VIRMA: variants seen among roughly 807,000 people sequenced by gnomAD.
VIRMA encodes vir like m6A methyltransferase associated, also known as protein virilizer homolog.
VIRMA carries 65 observed loss-of-function variants against 182.4 expected under a neutral mutation model. The observed-to-expected ratio is 0.36, with a 90% CI of 0.29 to 0.44. VIRMA has a LOEUF of 0.44. Ranked by LOEUF, VIRMA falls within the 20% of genes least tolerant of loss-of-function variation. The probability of loss-of-function intolerance (pLI) is 1.00; values close to 1 mark genes in which losing one functional copy is unlikely to be tolerated. For synonymous variants in VIRMA, 709 were observed against 743.1 expected, an observed-to-expected ratio of 0.95 and a Z score of 0.75; for missense variants, 1,752 against 2,158.1, an observed-to-expected ratio of 0.81 and a Z score of 3.73.
At chr8:94,520,185 C>CAAAAAA (rs757063695) in intron 8 of VIRMA, among the ~76,000 whole-genome samples, 2 of 82,956 alleles carry the variant, frequency 2.4e-5, no homozygotes, top group South Asian at 4.4e-4. Context: ...GACCCTGCAT[C>CAAAAAA]AAAAAAAAAA....
intron 16 of VIRMA, among the ~76,000 whole-genome samples, chr8:94,500,613 T>C (rs1813935211): frequency 1.3e-5 from 2 of 150,894 alleles, no homozygotes; most frequent in Non-Finnish European, 2.9e-5. Flanking sequence ...CTAGTGGGAA[T>C]GAAAAATGGT....
chr8:94,488,789 T>A lies in VIRMA; in HGVS notation c.5356A>T (p.Asn1786Tyr). 2 of 1,614,208 alleles carry A rather than the reference T, an allele frequency of 1.2e-6. No individual in the cohort carries two copies. Among genetic ancestry groups the A allele is most frequent in the Non-Finnish European group, 1.7e-6 (2 of 1,180,032 alleles). ...CCTCTTGAGCCTCCACTGCCGCTAT[T>A]TGCACTAGCCCAGGAAGGTCCAAGT... is the stretch of plus-strand genomic sequence containing the variant. ...GGLGPSWASA[N>Y]SGSGGSRGKF... Residue 1786 changes from asparagine to tyrosine, a missense_variant, in exon 24 of 24, where the codon AAT (asparagine) becomes TAT (tyrosine). Transcript: ENST00000297591.
chr8:94,489,666 CTTAT>C (rs1294272522), intron 23 of VIRMA, among the ~76,000 whole-genome samples: 11 of 152,006 alleles, frequency 7.2e-5, no homozygotes, highest in South Asian at 2.1e-4. Context: ...TTTTCTCCAG[CTTAT>C]TTAATTGTAA....
chr8:94,545,460 G>C (rs1161731134), intron 1 of VIRMA, among the ~76,000 whole-genome samples: 1 of 152,106 alleles, frequency 6.6e-6, no homozygotes, highest in Non-Finnish European at 1.5e-5. Context: ...TATTTTGTTT[G>C]TATATAAAAG....
intron 22 of VIRMA, among the ~76,000 whole-genome samples, chr8:94,490,551 T>C (rs575060364): frequency 7.2e-5 from 11 of 152,250 alleles, no homozygotes; most frequent in Admixed American, 3.3e-4. Flanking sequence ...CCCTAGTTTC[T>C]AAAATCTTGT....
At position 94,529,305 on chromosome 8, in the gene VIRMA, T is replaced by G. The variant is rs1265246024; in HGVS notation, c.645A>C (p.Glu215Asp). The G allele has an allele frequency of 1.2e-6, 2 of 1,612,870 alleles. No homozygotes were observed. The highest frequency in any genetic ancestry group is 1.7e-6 in the Non-Finnish European group (2 of 1,178,818). Residue 215 changes from glutamate to aspartate, a missense_variant, in exon 7 of 24, where the codon GAA becomes GAC. Coordinates refer to ENST00000297591, the MANE Select transcript of VIRMA (RefSeq NM_015496.5). ...GDKEEDAPHR[E>D]DYFEPISPDR... The stretch of plus-strand genomic sequence containing the variant: ...CAGGAGAAATGGGCTCAAAGTAATC[T>G]TCTCTATGAGGAGCATCCTCTTCCT...
In VIRMA at chr8:94,526,475, G is replaced by A. The variant is rs1814971933; in HGVS notation, c.1769C>T (p.Thr590Ile). The A allele has an allele frequency of 2.5e-6, 4 of 1,613,808 alleles. No homozygotes were observed. In the South Asian group the frequency reaches 4.4e-5, roughly 18 times the overall value. ...GTTTGTTCTCTCAAGTCCAGCATCT[G>A]TGTCGTGATCAGGTTCACTGTGGTT... is the stretch of plus-strand genomic sequence containing the variant. ...LPNHSEPDHD[T>I]DAGLERTNPE... Residue 590 changes from threonine (T) to isoleucine (I), a missense_variant, in exon 8 of 24, where the codon ACA becomes ATA. This residue lies in a region of VIRMA where 401 missense variants were observed against 455.1 expected (regional missense o/e 0.88). Transcript: ENST00000297591.
At chr8:94,494,301 T>A (rs181489497) in intron 20 of VIRMA, among the ~76,000 whole-genome samples, 272 of 150,866 alleles carry the variant, frequency 1.8e-3, no homozygotes, top group African/African-American at 6.4e-3. Flanking sequence ...AAAAAAAAAT[T>A]TTTTTTTTGG....
At chr8:94,530,287 G>A (rs2130358801) in intron 6 of VIRMA, among the ~76,000 whole-genome samples, 1 of 152,126 alleles carries the variant, frequency 6.6e-6, no homozygotes, top group South Asian at 2.1e-4. Flanking sequence ...GCCAAGGCGG[G>A]AGGATCACTT....
chr8:94,549,624 A>T (rs1301546728), intron 1 of VIRMA, among the ~76,000 whole-genome samples: 1 of 152,210 alleles, frequency 6.6e-6, no homozygotes, highest in Non-Finnish European at 1.5e-5. Flanking sequence ...AAATTTGTAC[A>T]TATCCAAAAC....
chr8:94,520,336 A>C (rs3133643), intron 8 of VIRMA, among the ~76,000 whole-genome samples: 18,259 of 152,040 alleles, frequency 0.12, 1,594 homozygotes, highest in African/African-American at 0.24. Flanking sequence ...TCTCTAAAAA[A>C]ATTTTTTAAT....
intron 1 of VIRMA, among the ~76,000 whole-genome samples, chr8:94,549,054 C>T (rs1284761434): frequency 1.3e-5 from 2 of 152,200 alleles, no homozygotes; most frequent in Non-Finnish European, 2.9e-5. Flanking sequence ...CCACACCTGG[C>T]TTATCTTGCA....
intron 6 of VIRMA, among the ~76,000 whole-genome samples, chr8:94,530,737 C>T (rs932284592): frequency 6.6e-6 from 1 of 152,034 alleles, no homozygotes; most frequent in African/African-American, 2.4e-5. Context: ...AATAGTGAGA[C>T]CCCATCTCTA....
chr8:94,503,481 C>G (rs766481744), intron 16 of VIRMA, among the ~76,000 whole-genome samples: 1 of 152,012 alleles, frequency 6.6e-6, no homozygotes, highest in Non-Finnish European at 1.5e-5. Flanking sequence ...GAGGGACATT[C>G]TACAAAACAA....
chr8:94,542,093 G>A (rs1366641065), intron 2 of VIRMA, among the ~76,000 whole-genome samples: 1 of 152,138 alleles, frequency 6.6e-6, no homozygotes, highest in East Asian at 1.9e-4. Flanking sequence ...TGACCCCAAT[G>A]ACACTTGCTT....
At chr8:94,509,558 G>T in intron 15 of VIRMA, 130 bp downstream of exon 15, 1 of 927,342 alleles carries the variant, frequency 1.1e-6, no homozygotes, top group Non-Finnish European at 1.6e-6. Flanking sequence ...ATGAACAACA[G>T]CAGGAATAAT....
chr8:94,511,057 C>T, intron 13 of VIRMA, 128 bp downstream of exon 13: 3 of 1,443,224 alleles, frequency 2.1e-6, no homozygotes, highest in Non-Finnish European at 1.8e-6. Context: ...ATCTCCCCCT[C>T]ATCCGGTTAT....
At chr8:94,507,629 C>A (rs1475226196) in intron 15 of VIRMA, among the ~76,000 whole-genome samples, 2 of 151,874 alleles carry the variant, frequency 1.3e-5, no homozygotes, top group African/African-American at 4.8e-5. Flanking sequence ...GTGGCACACA[C>A]ATGTAATCCC....
chr8:94,542,477 C>T (rs1308085421), intron 2 of VIRMA, among the ~76,000 whole-genome samples: 2 of 152,184 alleles, frequency 1.3e-5, no homozygotes, highest in African/African-American at 2.4e-5. Flanking sequence ...AATCCTGACC[C>T]TCAGAAACAA....
Sources: gnomAD v4.1 joint callset for allele counts (sites outside exome capture counted in the v4.1 genomes callset) on GRCh38, gnomAD v4.1.1 for gene constraint, gnomAD v4.1.1 regional missense constraint, MANE v1.5 for transcripts, NCBI Gene and HGNC (gene_info 2026-07-23, HGNC 2026-07-21) for gene names.